MCOLN2: variants seen among roughly 807,000 people sequenced by gnomAD.
The protein encoded by MCOLN2 is mucolipin-2.
A neutral mutation model predicts 67.5 loss-of-function variants in MCOLN2; 57 were observed. The observed-to-expected ratio is 0.84, with a 90% confidence interval of 0.68 to 1.05. MCOLN2 has a LOEUF of 1.05. Ranked by LOEUF, MCOLN2 falls within the 50% of genes least tolerant of loss-of-function variation. The pLI, the probability that MCOLN2 is intolerant of heterozygous loss-of-function variation, is 0.00. For missense variants in MCOLN2, 620 were observed against 678.8 expected (o/e 0.91, Z 0.96); for synonymous variants, 246 against 233.3 (o/e 1.05, Z -0.50).
chr1:84,930,836 A>G (rs757243401), intron 12 of MCOLN2, among the ~76,000 whole-genome samples: 1 of 152,194 alleles, frequency 6.6e-6, no homozygotes, highest in Non-Finnish European at 1.5e-5. Context: ...TCAAGCCACA[A>G]ATCAGTTAAA....
intron 4 of MCOLN2, among the ~76,000 whole-genome samples, chr1:84,955,958 G>A (rs367766197): frequency 1.3e-5 from 2 of 152,006 alleles, no homozygotes; most frequent in Non-Finnish European, 2.9e-5. Context: ...AAAACAATTC[G>A]ACTTGATTAG....
chr1:84,968,470 C>T (rs970174401), intron 1 of MCOLN2, among the ~76,000 whole-genome samples: 1 of 152,082 alleles, frequency 6.6e-6, no homozygotes, highest in African/African-American at 2.4e-5. Flanking sequence ...TATAACTAAG[C>T]ACATGAGGAA....
intron 11 of MCOLN2, among the ~76,000 whole-genome samples, chr1:84,937,031 A>G (rs1200862112): frequency 6.6e-6 from 1 of 152,222 alleles, no homozygotes; most frequent in Non-Finnish European, 1.5e-5. Context: ...TGTTGTTCCA[A>G]CTGCCACAGG....
chr1:84,937,831 A>T lies in MCOLN2; in HGVS notation c.1259T>A (p.Phe420Tyr). Residue 420 changes from phenylalanine to tyrosine, a missense_variant, in exon 11 of 14, where the codon TTT becomes TAT. Phe to Tyr is a conservative substitution (Grantham distance 22). Transcript: ENST00000370608. ...ATAAATCATACCAGCACAAGCACAA[A>T]ACCGAAGAACTTTTGGCAGTGAGGC... The part of the protein sequence containing the change: ...MQASLPKVLR[F>Y]CACAGMIYLG... 6.2e-7 allele frequency: 1 copy of T among 1,614,228 alleles called. No homozygotes were observed. Among genetic ancestry groups the T allele is most frequent in the Non-Finnish European group, 8.5e-7 (1 of 1,180,042 alleles).
intron 11 of MCOLN2, 108 bp downstream of exon 11, chr1:84,937,647 T>C (rs1322831654): frequency 6.6e-6 from 10 of 1,513,312 alleles, no homozygotes; most frequent in South Asian, 2.6e-5. Flanking sequence ...TGATTACTGA[T>C]GTCAAGGGTA....
At chr1:84,973,167 G>C (rs1201356052) in intron 1 of MCOLN2, among the ~76,000 whole-genome samples, 1 of 152,164 alleles carries the variant, frequency 6.6e-6, no homozygotes, top group Admixed American at 6.5e-5. Flanking sequence ...CACCTAAGGT[G>C]CCCTCACTCG....
intron 11 of MCOLN2, among the ~76,000 whole-genome samples, chr1:84,935,017 C>G (rs528190726): frequency 8.5e-5 from 13 of 152,312 alleles, no homozygotes; most frequent in African/African-American, 3.1e-4. Context: ...CTTTCACAAT[C>G]AAGGTTGCTG....
At chr1:84,992,971 T>C (rs1261191847) in intron 1 of MCOLN2, among the ~76,000 whole-genome samples, 1 of 152,232 alleles carries the variant, frequency 6.6e-6, no homozygotes, top group Non-Finnish European at 1.5e-5. Context: ...ACTCTTCCTG[T>C]CACAAAATAT....
In MCOLN2 at chr1:84,996,845, G is replaced by A. The variant is rs545503592; in HGVS notation, c.28C>T (p.Gln10Ter). 3.7e-6 allele frequency: 6 copies of A among 1,613,974 alleles called. No homozygotes were observed. In the African/African-American group the frequency reaches 8.0e-5, roughly 22 times the overall value. The change falls in exon 1 of 14, where the codon CAG becomes TAG. Residue 10 changes from glutamine (Q) to a stop codon, truncating the protein, a stop_gained. Transcript: ENST00000370608. LOFTEE classifies it high-confidence loss of function. Reference sequence around the variant, plus strand: ...GATCCTCTCTCCGGAATCCTTGCCTGGGGAAAACGATAAGGCTGCCGGGCC... The same window carrying A: ...GATCCTCTCTCCGGAATCCTTGCCTAGGGAAAACGATAAGGCTGCCGGGCC... Reference protein sequence around the residue: MARQPYRFPQARIPERGSGV... With the variant: MARQPYRFP
At chr1:84,994,322 C>T (rs1013963400) in intron 1 of MCOLN2, among the ~76,000 whole-genome samples, 1 of 150,356 alleles carries the variant, frequency 6.7e-6, no homozygotes, top group Non-Finnish European at 1.5e-5. Flanking sequence ...TCATCCTGTC[C>T]TTTGCACCTT....
At chr1:84,987,581 G>T (rs202043994) in intron 1 of MCOLN2, among the ~76,000 whole-genome samples, 34,354 of 46,526 alleles carry the variant, frequency 0.74, 12,449 homozygotes, top group East Asian at 0.88. Context: ...TGTATACATA[G>T]ATATATACAT....
At chr1:84,979,275 C>T (rs1460086039) in intron 1 of MCOLN2, among the ~76,000 whole-genome samples, 1 of 152,162 alleles carries the variant, frequency 6.6e-6, no homozygotes, top group East Asian at 1.9e-4. Flanking sequence ...ACCAATCCTA[C>T]TCAAACTTTT....
chr1:84,926,414 C>T lies in MCOLN2; in HGVS notation c.*271G>A. Reference sequence around the variant, plus strand: ...ATCTTTTTCCATTCCGAGATCATGTCATAAATTAACAGACTAATAGAGAAT... The same window carrying T: ...ATCTTTTTCCATTCCGAGATCATGTTATAAATTAACAGACTAATAGAGAAT... On this transcript the variant is annotated 3_prime_UTR_variant, in exon 14 of 14. Coordinates refer to ENST00000370608, the MANE Select transcript of MCOLN2 (RefSeq NM_153259.4). 1 of 324,068 alleles carries T rather than the reference C, an allele frequency of 3.1e-6. No homozygotes were observed. The highest frequency in any genetic ancestry group is 5.6e-6 in the Non-Finnish European group (1 of 178,972). 20.1% of individuals were successfully genotyped at this position (324,068 alleles called of 1,614,324 possible).
At chr1:84,966,958 C>T (rs553270012) in intron 1 of MCOLN2, among the ~76,000 whole-genome samples, 6 of 152,134 alleles carry the variant, frequency 3.9e-5, no homozygotes, top group Non-Finnish European at 8.8e-5. Context: ...TAACTTACAG[C>T]ATATGTACAC....
chr1:84,968,669 T>C (rs551970462), intron 1 of MCOLN2, among the ~76,000 whole-genome samples: 1 of 152,354 alleles, frequency 6.6e-6, no homozygotes, highest in East Asian at 1.9e-4. Context: ...TAAGGCCTCA[T>C]GAGCAGGCCT....
At chr1:84,944,553 G>GA (rs1484301517) in intron 7 of MCOLN2, among the ~76,000 whole-genome samples, 3 of 150,250 alleles carry the variant, frequency 2.0e-5, no homozygotes, top group East Asian at 1.9e-4. Context: ...AAGAAAGAAA[G>GA]AAAAAAAACA....
chr1:84,980,206 T>C (rs1650187511), intron 1 of MCOLN2, among the ~76,000 whole-genome samples: 1 of 152,110 alleles, frequency 6.6e-6, no homozygotes, highest in Admixed American at 6.5e-5. Flanking sequence ...TGTTCATAAA[T>C]TGGAAGAATC....
chr1:84,991,358 C>T (rs939294931), intron 1 of MCOLN2, among the ~76,000 whole-genome samples: 7 of 152,104 alleles, frequency 4.6e-5, no homozygotes, highest in Non-Finnish European at 7.4e-5. Flanking sequence ...ACAACTCGCA[C>T]GTCATTTTTT....
rs749919170 is a variant in MCOLN2 at position 84,931,532 on chromosome 1, A to C, written c.1372T>G (p.Ser458Ala). Reference protein sequence around the residue: ...NLNTVAECLFSLVNGDDMFAT... With the variant: ...NLNTVAECLFALVNGDDMFAT... ...AACATGTCATCACCGTTGACCAGAG[A>C]AAACAGACACTCAGCAACTGTGTTC... The change falls in exon 12 of 14, where the codon TCT (serine) becomes GCT (alanine). Residue 458 changes from serine to alanine, a missense_variant. Coordinates refer to ENST00000370608, the MANE Select transcript of MCOLN2 (RefSeq NM_153259.4). 10 of 1,613,996 alleles carry C rather than the reference A, an allele frequency of 6.2e-6. No individual in the cohort carries two copies. The East Asian group carries it at 2.2e-4, about 36-fold the overall frequency.
Sources: allele counts gnomAD v4.1 joint callset (sites outside exome capture counted in the v4.1 genomes callset), GRCh38; gene constraint gnomAD v4.1.1; transcripts MANE v1.5; gene names NCBI Gene and HGNC (gene_info 2026-07-23, HGNC 2026-07-21).